Variants in KCNN2 observed in about 807,000 individuals in gnomAD.
KCNN2 encodes the protein potassium calcium-activated channel subfamily N member 2.
Under a neutral mutation model 55.5 loss-of-function variants are expected in KCNN2, and 24 were observed. That is an observed-to-expected ratio of 0.43 (90% CI 0.31 to 0.61). The LOEUF is 0.61. KCNN2 is among the 20% of genes least tolerant of loss of function. The pLI, the probability that KCNN2 is intolerant of heterozygous loss-of-function variation, is 0.08. For synonymous variants in KCNN2, 431 were observed against 336.1 expected, an observed-to-expected ratio of 1.28 and a Z score of -3.09; for missense variants, 754 against 853.6, an observed-to-expected ratio of 0.88 and a Z score of 1.45.
At chr5:114,138,780 G>A (rs564089528) in intron 1 of KCNN2, among the ~76,000 whole-genome samples, 1 of 152,212 alleles carries the variant, frequency 6.6e-6, no homozygotes, top group Admixed American at 6.5e-5. Flanking sequence ...AGGTAGAGGA[G>A]GAGGAAGAGG....
At chr5:114,312,434 CATATATATAT>C (rs59964515) in intron 2 of KCNN2, among the ~76,000 whole-genome samples, 564 of 23,142 alleles carry the variant, frequency 0.024, 7 homozygotes, top group Non-Finnish European at 0.038. Context: ...CACACACACA[CATATATATAT>C]ATATATATAT....
chr5:114,287,744 C>G (rs1429491992), intron 2 of KCNN2, among the ~76,000 whole-genome samples: 1 of 139,688 alleles, frequency 7.2e-6, no homozygotes, highest in Non-Finnish European at 1.6e-5. Flanking sequence ...ACGTGTGTCT[C>G]AGAACTTAAA....
At chr5:114,455,769 C>T (rs1198937439) in intron 3 of KCNN2, among the ~76,000 whole-genome samples, 2 of 152,138 alleles carry the variant, frequency 1.3e-5, no homozygotes, top group Non-Finnish European at 2.9e-5. Flanking sequence ...AGCCTTAATG[C>T]GGTTATGGAG....
At chr5:114,129,927 C>G (rs1440225525) in intron 1 of KCNN2, among the ~76,000 whole-genome samples, 1 of 152,180 alleles carries the variant, frequency 6.6e-6, no homozygotes, top group Non-Finnish European at 1.5e-5. Context: ...CAAAATTCTT[C>G]CATAGGGTTA....
At chr5:114,129,761 C>A (rs753283297) in intron 1 of KCNN2, among the ~76,000 whole-genome samples, 1 of 152,152 alleles carries the variant, frequency 6.6e-6, no homozygotes, top group Non-Finnish European at 1.5e-5. Flanking sequence ...ATAATCTTGG[C>A]CATTGTGGAG....
At chr5:114,370,822 C>T (rs1248744346) in intron 2 of KCNN2, among the ~76,000 whole-genome samples, 2 of 152,038 alleles carry the variant, frequency 1.3e-5, no homozygotes, top group African/African-American at 4.8e-5. Context: ...GATTCCGCCC[C>T]CCACCCCTCC....
chr5:114,252,671 C>T (rs1754891650), intron 2 of KCNN2, among the ~76,000 whole-genome samples: 1 of 151,982 alleles, frequency 6.6e-6, no homozygotes, highest in Non-Finnish European at 1.5e-5. Context: ...CCCCAACCCC[C>T]ACCCCCCAAC....
intron 2 of KCNN2, among the ~76,000 whole-genome samples, chr5:114,397,630 G>GC (rs1758659554): frequency 1.3e-5 from 2 of 152,006 alleles, no homozygotes; most frequent in Admixed American, 1.3e-4. Context: ...CAAGTGATCT[G>GC]CCCCGCCTCG....
At chr5:114,250,863 G>T (rs1256728814) in intron 2 of KCNN2, among the ~76,000 whole-genome samples, 1 of 152,132 alleles carries the variant, frequency 6.6e-6, no homozygotes, top group Non-Finnish European at 1.5e-5. Context: ...ACCATTCATT[G>T]CCCACCCATA....
At chr5:114,472,566 G>C (rs1761796062) in intron 4 of KCNN2, among the ~76,000 whole-genome samples, 1 of 151,884 alleles carries the variant, frequency 6.6e-6, no homozygotes, top group South Asian at 2.1e-4. Context: ...CAGTGTATAT[G>C]CTGAGATAAT....
At chr5:114,278,299 G>A (rs751132223) in intron 2 of KCNN2, among the ~76,000 whole-genome samples, 3 of 152,146 alleles carry the variant, frequency 2.0e-5, no homozygotes, top group Admixed American at 6.5e-5. Context: ...AGGCTACATG[G>A]GGGTCAGGGA....
chr5:114,164,787 C>G (rs1268869003), intron 1 of KCNN2, among the ~76,000 whole-genome samples: 1 of 152,124 alleles, frequency 6.6e-6, no homozygotes, highest in Non-Finnish European at 1.5e-5. Context: ...AGCAGTATAG[C>G]TAATTCATAA....
intron 2 of KCNN2, among the ~76,000 whole-genome samples, chr5:114,294,462 T>C (rs1755965119): frequency 6.6e-6 from 1 of 152,220 alleles, no homozygotes; most frequent in South Asian, 2.1e-4. Context: ...CCAGTAGTCA[T>C]TCAGGAGCAG....
intron 3 of KCNN2, among the ~76,000 whole-genome samples, chr5:114,429,051 G>A (rs998940901): frequency 2.0e-5 from 3 of 151,972 alleles, no homozygotes; most frequent in Admixed American, 6.6e-5. Flanking sequence ...TTTTTGAGTG[G>A]ACATAAGTTT....
intron 3 of KCNN2, among the ~76,000 whole-genome samples, chr5:114,414,702 A>G (rs544872451): frequency 1.3e-5 from 2 of 152,352 alleles, no homozygotes; most frequent in African/African-American, 4.8e-5. Flanking sequence ...TGTGGCCATT[A>G]TTCAGTGACT....
chr5:114,438,078 A>G (rs1760072402), intron 3 of KCNN2, among the ~76,000 whole-genome samples: 1 of 152,196 alleles, frequency 6.6e-6, no homozygotes, highest in African/African-American at 2.4e-5. Context: ...GTCTTTCTAA[A>G]GCAACTGTAC....
At chr5:114,431,431 A>G (rs1759789916) in intron 3 of KCNN2, among the ~76,000 whole-genome samples, 1 of 151,940 alleles carries the variant, frequency 6.6e-6, no homozygotes, top group Admixed American at 6.5e-5. Flanking sequence ...ATCAGCAGTG[A>G]TGCCCCCTCT....
At chr5:114,300,839 C>G (rs1185171384) in intron 2 of KCNN2, among the ~76,000 whole-genome samples, 1 of 152,130 alleles carries the variant, frequency 6.6e-6, no homozygotes, top group African/African-American at 2.4e-5. Flanking sequence ...ATTTTCTGCT[C>G]TAAGGTCAAT....
intron 2 of KCNN2, among the ~76,000 whole-genome samples, chr5:114,221,632 C>T (rs1331776487): frequency 6.6e-6 from 1 of 152,028 alleles, no homozygotes; most frequent in African/African-American, 2.4e-5. Context: ...TTATTGAAAA[C>T]AAAAGTTAGG....
Sources: gnomAD v4.1 joint callset for allele counts (sites outside exome capture counted in the v4.1 genomes callset) on GRCh38, gnomAD v4.1.1 for gene constraint, MANE v1.5 for transcripts, NCBI Gene and HGNC (gene_info 2026-07-23, HGNC 2026-07-21) for gene names.